Variants in EBF2 observed in about 807,000 individuals in gnomAD.
The protein encoded by EBF2 is transcription factor COE2.
In EBF2, 21 loss-of-function variants were observed where a neutral mutation model predicts 72.8. The ratio of observed to expected loss-of-function variants is 0.29; its 90% confidence interval spans 0.20 to 0.42. EBF2 has a LOEUF of 0.42. Among genes scored for constraint, EBF2 ranks in the 10% least tolerant of loss-of-function variants. The pLI, the probability that EBF2 is intolerant of heterozygous loss-of-function variation, is 1.00. For synonymous variants in EBF2, 299 were observed against 274.2 expected (o/e 1.09, Z -0.89); for missense variants, 637 against 731.2 (o/e 0.87, Z 1.49).
At chr8:25,969,351 G>A (rs1382056709) in intron 6 of EBF2, among the ~76,000 whole-genome samples, 3 of 152,352 alleles carry the variant, frequency 2.0e-5, no homozygotes, top group East Asian at 1.9e-4. Context: ...GAGCTAGAAA[G>A]GGAAGCTGAG....
intron 6 of EBF2, among the ~76,000 whole-genome samples, chr8:25,944,047 G>C (rs976326350): frequency 1.3e-5 from 2 of 152,120 alleles, no homozygotes; most frequent in Non-Finnish European, 2.9e-5. Flanking sequence ...CTTTATGAAA[G>C]AGGAAATCTC....
intron 10 of EBF2, among the ~76,000 whole-genome samples, chr8:25,865,885 C>A (rs1047704657): frequency 6.6e-6 from 1 of 151,752 alleles, no homozygotes; most frequent in African/African-American, 2.4e-5. Flanking sequence ...ATTAGCCGGG[C>A]GTGGTGGCGG....
intron 5 of EBF2, among the ~76,000 whole-genome samples, chr8:26,036,265 T>C (rs1805499445): frequency 1.3e-5 from 2 of 152,206 alleles, no homozygotes; most frequent in Admixed American, 1.3e-4. Flanking sequence ...GTAAGCCTGG[T>C]GCCAGTGTAG....
At chr8:25,894,043 G>A (rs1048569740) in intron 7 of EBF2, among the ~76,000 whole-genome samples, 2 of 152,128 alleles carry the variant, frequency 1.3e-5, no homozygotes, top group African/African-American at 4.8e-5. Flanking sequence ...GCAAGTTCCA[G>A]GTTTTAATAT....
chr8:26,018,292 T>TA (rs1275961893), intron 6 of EBF2, among the ~76,000 whole-genome samples: 2 of 148,134 alleles, frequency 1.4e-5, no homozygotes, highest in African/African-American at 5.0e-5. Context: ...AAGACAGACA[T>TA]AAAATGAGAG....
At chr8:25,944,372 A>C (rs1407708251) in intron 6 of EBF2, among the ~76,000 whole-genome samples, 1 of 152,148 alleles carries the variant, frequency 6.6e-6, no homozygotes, top group African/African-American at 2.4e-5. Context: ...CTGGTGAGCC[A>C]GCTCATCCCT....
chr8:25,907,507 G>T (rs914503308), intron 7 of EBF2, among the ~76,000 whole-genome samples: 1 of 148,624 alleles, frequency 6.7e-6, no homozygotes, highest in Non-Finnish European at 1.5e-5. Context: ...CAGCTGCAAC[G>T]TGTCGCATGC....
chr8:25,955,180 C>T (rs1803925868), intron 6 of EBF2, among the ~76,000 whole-genome samples: 1 of 152,244 alleles, frequency 6.6e-6, no homozygotes, highest in East Asian at 1.9e-4. Context: ...GCTGGGCCCA[C>T]AGACAAGGAC....
At chr8:26,005,208 T>TATATATATATAGAATATATATAGA (rs1185313775) in intron 6 of EBF2, among the ~76,000 whole-genome samples, 5 of 112,642 alleles carry the variant, frequency 4.4e-5, no homozygotes, top group Admixed American at 2.8e-4. Context: ...GAGATGGAGA[T>TATATATATATAGAATATATATAGA]ATATATATAT....
chr8:25,987,787 C>T (rs549974502), intron 6 of EBF2, among the ~76,000 whole-genome samples: 105 of 152,142 alleles, frequency 6.9e-4, no homozygotes, highest in Non-Finnish European at 1.3e-3. Context: ...CATTGTGCTC[C>T]CTAGAAGCCC....
intron 15 of EBF2, among the ~76,000 whole-genome samples, chr8:25,850,262 A>G (rs10746560): frequency 0.47 from 71,705 of 151,964 alleles, 17,865 homozygotes; most frequent in African/African-American, 0.61. Flanking sequence ...ACAGGCACCC[A>G]CAAACACACC....
intron 6 of EBF2, among the ~76,000 whole-genome samples, chr8:25,986,951 A>T (rs1024738662): frequency 1.3e-5 from 2 of 151,976 alleles, no homozygotes; most frequent in Non-Finnish European, 2.9e-5. Flanking sequence ...TGGCCATGAC[A>T]CCCTCACCCC....
At chr8:25,890,065 C>T (rs1426102082) in intron 7 of EBF2, among the ~76,000 whole-genome samples, 196 bp from the exon 8 acceptor site, 2 of 152,202 alleles carry the variant, frequency 1.3e-5, no homozygotes, top group African/African-American at 4.8e-5. Context: ...GCCCTTCATC[C>T]ATGCATTGTC....
intron 10 of EBF2, among the ~76,000 whole-genome samples, chr8:25,870,040 G>C (rs1458736697): frequency 2.0e-5 from 3 of 152,016 alleles, no homozygotes; most frequent in Admixed American, 2.0e-4. Context: ...AAGAGCTACA[G>C]ATGCAAGAGC....
chr8:25,921,999 C>A (rs959364346), intron 6 of EBF2, among the ~76,000 whole-genome samples: 8 of 152,124 alleles, frequency 5.3e-5, no homozygotes, highest in African/African-American at 1.9e-4. Context: ...TGAAACTGAG[C>A]CACCTTGTTT....
intron 6 of EBF2, among the ~76,000 whole-genome samples, chr8:25,985,631 T>C (rs1804437576): frequency 6.6e-6 from 1 of 152,120 alleles, no homozygotes. Flanking sequence ...TGACATTCAC[T>C]GAAAGATTAT....
intron 6 of EBF2, among the ~76,000 whole-genome samples, chr8:25,910,799 G>C (rs1032281014): frequency 1.2e-4 from 18 of 152,088 alleles, no homozygotes; most frequent in African/African-American, 4.3e-4. Flanking sequence ...CGAAGGAGAA[G>C]GGGAGGTTAA....
At chr8:26,017,424 A>G (rs1805128981) in intron 6 of EBF2, among the ~76,000 whole-genome samples, 1 of 152,134 alleles carries the variant, frequency 6.6e-6, no homozygotes, top group African/African-American at 2.4e-5. Context: ...GATAAAATAG[A>G]CCATGAACAA....
At chr8:25,913,964 T>A (rs903816224) in intron 6 of EBF2, among the ~76,000 whole-genome samples, 1 of 152,190 alleles carries the variant, frequency 6.6e-6, no homozygotes, top group African/African-American at 2.4e-5. Flanking sequence ...AACACTCTCA[T>A]ACCATTTCTG....
Sources: gnomAD v4.1 joint callset for allele counts (sites outside exome capture counted in the v4.1 genomes callset) on GRCh38, gnomAD v4.1.1 for gene constraint, MANE v1.5 for transcripts, NCBI Gene and HGNC (gene_info 2026-07-23, HGNC 2026-07-21) for gene names.